The following EPHA6 variants were observed in gnomAD, a reference collection of about 807,000 sequenced individuals.
EPHA6 encodes ephrin type-A receptor 6.
EPHA6 carries 50 observed loss-of-function variants against 112.0 expected under a neutral mutation model. The ratio of observed to expected loss-of-function variants is 0.45; its 90% CI spans 0.36 to 0.56. The LOEUF is 0.56. Ranked by LOEUF, EPHA6 falls within the 20% of genes least tolerant of loss-of-function variation. The pLI is 0.00. For missense variants in EPHA6, 1,280 were observed against 1,417.4 expected, an observed-to-expected ratio of 0.90 and a Z score of 1.56; for synonymous variants, 529 against 490.7, an observed-to-expected ratio of 1.08 and a Z score of -1.03.
chr3:97,331,821 C>G (rs1473557317), intron 5 of EPHA6, among the ~76,000 whole-genome samples: 1 of 152,096 alleles, frequency 6.6e-6, no homozygotes. Context: ...CGAATTTTAC[C>G]AGAGGTACAA....
intron 14 of EPHA6, among the ~76,000 whole-genome samples, chr3:97,704,958 T>C (rs889708070): frequency 1.3e-5 from 2 of 152,172 alleles, no homozygotes; most frequent in Non-Finnish European, 2.9e-5. Context: ...TTTCCTTCTA[T>C]TTCCCCTTCA....
At chr3:97,634,594 C>T (rs1455379639) in intron 13 of EPHA6, among the ~76,000 whole-genome samples, 1 of 152,022 alleles carries the variant, frequency 6.6e-6, no homozygotes, top group Non-Finnish European at 1.5e-5. Flanking sequence ...GCTGATAGCC[C>T]TTAACCGAAT....
intron 5 of EPHA6, among the ~76,000 whole-genome samples, chr3:97,249,700 C>T (rs2079078990): frequency 6.6e-6 from 1 of 152,144 alleles, no homozygotes; most frequent in African/African-American, 2.4e-5. Context: ...TTCTTGAGGG[C>T]ATGAATGATG....
intron 6 of EPHA6, among the ~76,000 whole-genome samples, chr3:97,414,989 C>T (rs1440948967): frequency 6.6e-6 from 1 of 151,916 alleles, no homozygotes; most frequent in African/African-American, 2.4e-5. Flanking sequence ...TTCTGATTGA[C>T]TTACTTGCAG....
At chr3:97,237,382 G>A (rs1473143945) in intron 4 of EPHA6, among the ~76,000 whole-genome samples, 1 of 151,922 alleles carries the variant, frequency 6.6e-6, no homozygotes, top group Non-Finnish European at 1.5e-5. Context: ...TGAGTTTGAT[G>A]GAGTTGCCTA....
intron 12 of EPHA6, among the ~76,000 whole-genome samples, chr3:97,593,568 A>T (rs1326239717): frequency 5.9e-5 from 9 of 152,198 alleles, no homozygotes; most frequent in African/African-American, 2.2e-4. Context: ...TTGTTATGAC[A>T]TCAATGTATT....
At chr3:97,239,411 A>G (rs2078777819) in intron 4 of EPHA6, among the ~76,000 whole-genome samples, 1 of 151,842 alleles carries the variant, frequency 6.6e-6, no homozygotes, top group African/African-American at 2.4e-5. Flanking sequence ...TGCTGTTGCA[A>G]ACCTGCATCT....
In EPHA6 at chr3:97,091,235, T is replaced by C. The variant is rs535688345; in HGVS notation, c.1114+103242T>C. On this transcript the variant is annotated intron_variant, in intron 3 of 17. Coordinates refer to ENST00000389672, the MANE Select transcript of EPHA6 (RefSeq NM_001080448.3). ...GATGTTCTCTATATGATATGGAAAA[T>C]TCCATAGTCTCAGAAGTCTTTGCCA... Among the ~76,000 whole-genome samples, 253 of 152,202 alleles carry C rather than the reference T, an allele frequency of 1.7e-3. 1 individual carries two copies. Among genetic ancestry groups the C allele is most frequent in the Middle Eastern group, 6.8e-3 (2 of 294 alleles).
intron 11 of EPHA6, among the ~76,000 whole-genome samples, chr3:97,548,182 C>G (rs1254387011): frequency 6.6e-6 from 1 of 152,154 alleles, no homozygotes; most frequent in Non-Finnish European, 1.5e-5. Flanking sequence ...TAGACCGGAG[C>G]TGTTCGTATT....
At chr3:97,602,749 C>G (rs186758184) in intron 12 of EPHA6, among the ~76,000 whole-genome samples, 31 of 152,108 alleles carry the variant, frequency 2.0e-4, no homozygotes, top group African/African-American at 6.5e-4. Flanking sequence ...ATTATTCTTA[C>G]CTACCTGCTG....
intron 6 of EPHA6, among the ~76,000 whole-genome samples, chr3:97,443,524 A>G (rs2090214908): frequency 6.6e-6 from 1 of 152,138 alleles, no homozygotes; most frequent in Non-Finnish European, 1.5e-5. Context: ...GACTTTATTA[A>G]ACAAATTCTA....
At chr3:96,815,303 C>T (rs1190707708) in intron 1 of EPHA6, among the ~76,000 whole-genome samples, 1 of 152,152 alleles carries the variant, frequency 6.6e-6, no homozygotes, top group East Asian at 1.9e-4. Context: ...GCTGCGCTGT[C>T]TCCACTGGAA....
At chr3:97,046,867 A>G (rs1396224219) in intron 3 of EPHA6, among the ~76,000 whole-genome samples, 1 of 152,150 alleles carries the variant, frequency 6.6e-6, no homozygotes, top group Non-Finnish European at 1.5e-5. Flanking sequence ...ATTACCATTT[A>G]CATAGATGAA....
chr3:97,528,719 C>T lies in EPHA6; in HGVS notation c.2201-3639C>T, dbSNP rs575087906. Among the ~76,000 whole-genome samples the T allele has an allele frequency of 2.0e-5, 3 of 152,212 alleles. No homozygotes were observed. The East Asian group carries it at 5.8e-4, about 29-fold the overall frequency. ...TGTCTCTTACTGCCTGTATGCTTCC[C>T]TCACAGATTTAGTTCAATTATATAG... On this transcript the variant is annotated intron_variant, in intron 10 of 17. Transcript: ENST00000389672.
intron 3 of EPHA6, among the ~76,000 whole-genome samples, chr3:97,168,977 G>T (rs1342404347): frequency 6.6e-6 from 1 of 152,182 alleles, no homozygotes; most frequent in African/African-American, 2.4e-5. Context: ...TTATAGCAGT[G>T]TGATAATGGA....
At chr3:97,347,220 T>C (rs1483429800) in intron 5 of EPHA6, among the ~76,000 whole-genome samples, 1 of 152,086 alleles carries the variant, frequency 6.6e-6, no homozygotes, top group East Asian at 1.9e-4. Context: ...TTTAAATTAT[T>C]AAAATATCTT....
chr3:97,134,476 T>C (rs2075718803), intron 3 of EPHA6, among the ~76,000 whole-genome samples: 1 of 152,052 alleles, frequency 6.6e-6, no homozygotes, highest in Admixed American at 6.6e-5. Flanking sequence ...GCAATCAGGG[T>C]TGAGAACAAT....
chr3:97,489,396 A>C (rs2091779130), intron 10 of EPHA6, among the ~76,000 whole-genome samples: 1 of 152,228 alleles, frequency 6.6e-6, no homozygotes, highest in African/African-American at 2.4e-5. Flanking sequence ...TTAATTAAAG[A>C]AACTCAAGGC....
At chr3:96,901,166 A>G (rs1046503586) in intron 2 of EPHA6, among the ~76,000 whole-genome samples, 8 of 152,298 alleles carry the variant, frequency 5.3e-5, no homozygotes, top group African/African-American at 1.7e-4. Context: ...GGCATTCAGT[A>G]ATATACAATA....
Sources: allele counts gnomAD v4.1 joint callset (sites outside exome capture counted in the v4.1 genomes callset), GRCh38; gene constraint gnomAD v4.1.1; transcripts MANE v1.5; gene names NCBI Gene and HGNC (gene_info 2026-07-23, HGNC 2026-07-21).